AGBL4: variants seen among roughly 807,000 people sequenced by gnomAD.
AGBL4 encodes AGBL carboxypeptidase 4, also known as cytosolic carboxypeptidase 6.
Under a neutral mutation model 66.4 loss-of-function variants are expected in AGBL4, and 58 were observed. That is an observed-to-expected ratio of 0.87 (90% CI 0.71 to 1.09). The LOEUF (loss-of-function observed/expected upper bound fraction) is 1.09. AGBL4 is among the 50% of genes least tolerant of loss of function. AGBL4 has a pLI of 0.00. For synonymous variants in AGBL4, 234 were observed against 222.9 expected (o/e 1.05, Z -0.44); for missense variants, 579 against 631.0 (o/e 0.92, Z 0.88).
intron 3 of AGBL4, among the ~76,000 whole-genome samples, chr1:49,320,017 C>T (rs1204434531): frequency 6.6e-6 from 1 of 152,136 alleles, no homozygotes; most frequent in Non-Finnish European, 1.5e-5. Flanking sequence ...ACTACAGCCT[C>T]AACCTCTGGG....
At chr1:49,267,653 C>A (rs1369585352) in intron 3 of AGBL4, among the ~76,000 whole-genome samples, 2 of 151,680 alleles carry the variant, frequency 1.3e-5, no homozygotes, top group African/African-American at 4.9e-5. Flanking sequence ...GCACTTCAGC[C>A]TGGGCAACGG....
At chr1:49,839,571 C>T (rs1220141987) in intron 2 of AGBL4, among the ~76,000 whole-genome samples, 1 of 152,106 alleles carries the variant, frequency 6.6e-6, no homozygotes, top group East Asian at 1.9e-4. Flanking sequence ...AATGGGGAGC[C>T]ATGACAGATT....
chr1:48,553,479 G>A (rs1422106479), intron 11 of AGBL4, among the ~76,000 whole-genome samples: 1 of 152,186 alleles, frequency 6.6e-6, no homozygotes, highest in Non-Finnish European at 1.5e-5. Context: ...GCTTCTGAGT[G>A]GCTGCACTTG....
intron 11 of AGBL4, among the ~76,000 whole-genome samples, chr1:48,541,894 AGGTTTGTTACATAGGTATACACGT>A (rs1186227352): frequency 2.6e-5 from 4 of 152,142 alleles, no homozygotes; most frequent in African/African-American, 7.2e-5. Flanking sequence ...CAGAACGTGC[AGGTTTGTTACATAGGTATACACGT>A]GCCATGGTGG....
chr1:48,846,401 G>GAAAGAAAGAAAGA (rs1646916961), intron 6 of AGBL4, among the ~76,000 whole-genome samples: 10 of 150,908 alleles, frequency 6.6e-5, no homozygotes, highest in Non-Finnish European at 1.3e-4. Context: ...AAGAAAGAAA[G>GAAAGAAAGAAAGA]AAAGAAAGAA....
intron 5 of AGBL4, among the ~76,000 whole-genome samples, chr1:48,871,382 T>A: frequency 6.6e-6 from 1 of 150,400 alleles, no homozygotes; most frequent in East Asian, 1.9e-4. Flanking sequence ...TGTGTGTGTG[T>A]GTGTTTGTGT....
chr1:49,211,760 GC>G (rs1249217598), intron 4 of AGBL4, among the ~76,000 whole-genome samples: 1 of 152,048 alleles, frequency 6.6e-6, no homozygotes, highest in Non-Finnish European at 1.5e-5. Flanking sequence ...TATAAGAACT[GC>G]TATAAACACA....
chr1:48,744,227 C>T (rs1429653154), intron 6 of AGBL4, among the ~76,000 whole-genome samples: 1 of 152,190 alleles, frequency 6.6e-6, no homozygotes, highest in Non-Finnish European at 1.5e-5. Context: ...CCTTTGTCCC[C>T]AGCACCTGGG....
At chr1:48,621,496 G>A (rs186494122) in intron 9 of AGBL4, among the ~76,000 whole-genome samples, 57 of 152,150 alleles carry the variant, frequency 3.7e-4, no homozygotes, top group Admixed American at 2.2e-3. Flanking sequence ...ATATACTTGT[G>A]GAAAATTGTT....
At chr1:48,646,911 A>C (rs1485108378) in intron 8 of AGBL4, among the ~76,000 whole-genome samples, 1 of 152,166 alleles carries the variant, frequency 6.6e-6, no homozygotes, top group Non-Finnish European at 1.5e-5. Flanking sequence ...AGACACTTAC[A>C]TACTAGCTCC....
chr1:48,635,551 T>C (rs981261094), intron 8 of AGBL4, among the ~76,000 whole-genome samples: 19 of 152,224 alleles, frequency 1.2e-4, no homozygotes, highest in African/African-American at 4.6e-4. Flanking sequence ...GAGATATCAC[T>C]GAGTTCAGTC....
intron 5 of AGBL4, among the ~76,000 whole-genome samples, chr1:48,918,657 C>T (rs1030501691): frequency 6.6e-6 from 1 of 152,102 alleles, no homozygotes; most frequent in Non-Finnish European, 1.5e-5. Context: ...TGGAATAGGC[C>T]TCTCACCGAA....
At chr1:48,655,828 C>T (rs1478786536) in intron 7 of AGBL4, among the ~76,000 whole-genome samples, 6 of 152,254 alleles carry the variant, frequency 3.9e-5, no homozygotes, top group East Asian at 1.9e-4. Flanking sequence ...GGCTTAGTTA[C>T]GGGGTGACCT....
chr1:49,680,923 T>G (rs1326106546), intron 3 of AGBL4, among the ~76,000 whole-genome samples: 2 of 151,932 alleles, frequency 1.3e-5, no homozygotes, highest in African/African-American at 4.8e-5. Flanking sequence ...ACTATTGTCC[T>G]CCTGTTGCTT....
At chr1:49,560,229 C>T (rs1438985235) in intron 3 of AGBL4, among the ~76,000 whole-genome samples, 4 of 151,924 alleles carry the variant, frequency 2.6e-5, no homozygotes, top group Non-Finnish European at 5.9e-5. Context: ...TCCAAGATAA[C>T]ACGGAGAAAA....
At chr1:49,433,138 A>G (rs1645823422) in intron 3 of AGBL4, among the ~76,000 whole-genome samples, 2 of 152,062 alleles carry the variant, frequency 1.3e-5, no homozygotes, top group African/African-American at 4.8e-5. Context: ...TTTCATCTGT[A>G]TACTTTATAA....
At chr1:49,970,685 G>A (rs1657984322) in intron 1 of AGBL4, among the ~76,000 whole-genome samples, 1 of 137,364 alleles carries the variant, frequency 7.3e-6, no homozygotes, top group African/African-American at 2.7e-5. Context: ...GACAGAGCAC[G>A]ACTCCGACTC....
At chr1:49,534,171 CAAAAAAAA>C (rs71059553) in intron 3 of AGBL4, among the ~76,000 whole-genome samples, 3 of 67,060 alleles carry the variant, frequency 4.5e-5, no homozygotes, top group African/African-American at 5.8e-5. Flanking sequence ...CACCATTTTA[CAAAAAAAA>C]AAAAAAAAAA....
chr1:49,768,873 G>C (rs556815921), intron 2 of AGBL4, among the ~76,000 whole-genome samples: 125 of 150,454 alleles, frequency 8.3e-4, no homozygotes, highest in African/African-American at 3.0e-3. Context: ...TTTTTGAGAT[G>C]GAGTCTCACT....
Sources: gnomAD v4.1 joint callset for allele counts (sites outside exome capture counted in the v4.1 genomes callset) on GRCh38, gnomAD v4.1.1 for gene constraint, MANE v1.5 for transcripts, NCBI Gene and HGNC (gene_info 2026-07-23, HGNC 2026-07-21) for gene names.